The following POLD3 variants were observed in gnomAD, a reference collection of about 807,000 sequenced individuals.
POLD3 encodes DNA polymerase delta subunit 3.
A neutral mutation model predicts 58.2 loss-of-function variants in POLD3; 19 were observed. That is an observed-to-expected ratio of 0.33 (90% CI 0.23 to 0.48). POLD3 has a LOEUF of 0.48. Ranked by LOEUF, POLD3 falls within the 20% of genes least tolerant of loss-of-function variation. The pLI, the probability that POLD3 is intolerant of heterozygous loss-of-function variation, is 0.99. For missense variants in POLD3, 504 were observed against 545.5 expected, an observed-to-expected ratio of 0.92 and a Z score of 0.76; for synonymous variants, 172 against 193.5, an observed-to-expected ratio of 0.89 and a Z score of 0.92.
At chr11:74,617,750 C>T (rs1339024141) in intron 5 of POLD3, among the ~76,000 whole-genome samples, 1 of 152,072 alleles carries the variant, frequency 6.6e-6, no homozygotes, top group African/African-American at 2.4e-5. Flanking sequence ...GACAGCATCT[C>T]ACTCTGTTCC....
rs566165026 is a variant in POLD3, at chr11:74,627,971, A to G, written c.900-1246A>G. Among the ~76,000 whole-genome samples the G allele has an allele frequency of 3.3e-5, 5 of 152,238 alleles. No homozygotes were observed. In the East Asian group the frequency reaches 9.6e-4, roughly 29 times the overall value. ...TGTATATTTTTCAAATGTTTAATAA[A>G]ATTTACCAGTGAATCCAGGGCTGGA... On this transcript the variant is annotated intron_variant, in intron 8 of 11. Coordinates refer to ENST00000263681, the MANE Select transcript of POLD3 (RefSeq NM_006591.3).
chr11:74,658,800 C>A (rs538238313), intron 4 of POLD3, among the ~76,000 whole-genome samples: 1 of 152,096 alleles, frequency 6.6e-6, no homozygotes, highest in South Asian at 2.1e-4. Context: ...GCAGCTCCAC[C>A]CCTGTGGCTT....
At chr11:74,606,585 A>C (rs76021006) in intron 3 of POLD3, among the ~76,000 whole-genome samples, 257 of 152,358 alleles carry the variant, frequency 1.7e-3, no homozygotes, top group African/African-American at 6.0e-3. Context: ...AATAGGATCC[A>C]AAGTTAAGAA....
intron 9 of POLD3, among the ~76,000 whole-genome samples, chr11:74,634,350 T>C (rs556618313): frequency 6.6e-6 from 1 of 152,354 alleles, no homozygotes; most frequent in East Asian, 1.9e-4. Flanking sequence ...AGAAAATATT[T>C]AGCTAAGATA....
intron 4 of POLD3, among the ~76,000 whole-genome samples, chr11:74,656,148 A>G (rs1166057354): frequency 6.6e-6 from 1 of 152,242 alleles, no homozygotes; most frequent in Non-Finnish European, 1.5e-5. Context: ...TACACTAAAA[A>G]CTAAAACAGT....
intron 5 of POLD3, among the ~76,000 whole-genome samples, chr11:74,616,569 A>G (rs6592577): frequency 0.4 from 60,289 of 152,132 alleles, 12,981 homozygotes; most frequent in African/African-American, 0.56. Flanking sequence ...TTCCTTGTAT[A>G]TGGAAGCACT....
At chr11:74,653,211 C>T (rs1188418365) in intron 4 of POLD3, among the ~76,000 whole-genome samples, 1 of 152,128 alleles carries the variant, frequency 6.6e-6, no homozygotes, top group East Asian at 1.9e-4. Flanking sequence ...TTTGCACCAA[C>T]CTAATACTTA....
intron 9 of POLD3, among the ~76,000 whole-genome samples, chr11:74,633,498 T>C (rs373397089): frequency 2.0e-5 from 3 of 152,238 alleles, no homozygotes; most frequent in Admixed American, 6.5e-5. Flanking sequence ...AACACTGACC[T>C]AATCAGTTGG....
intron 8 of POLD3, among the ~76,000 whole-genome samples, chr11:74,628,203 T>G (rs1050668036): frequency 6.6e-6 from 1 of 152,152 alleles, no homozygotes; most frequent in African/African-American, 2.4e-5. Flanking sequence ...GATACAGATT[T>G]CTTTACTGTT....
intron 10 of POLD3, among the ~76,000 whole-genome samples, chr11:74,635,533 T>C (rs186160350): frequency 6.6e-6 from 1 of 152,088 alleles, no homozygotes; most frequent in Non-Finnish European, 1.5e-5. Context: ...TTTAAAAATA[T>C]CTGGGCATGG....
intron 4 of POLD3, among the ~76,000 whole-genome samples, chr11:74,656,663 A>G (rs768370973): frequency 4.0e-5 from 6 of 151,568 alleles, no homozygotes; most frequent in Non-Finnish European, 7.4e-5. Flanking sequence ...ATGTGTTTGT[A>G]TAGTTTCCAA....
At chr11:74,601,584 C>T (rs1460289217) in intron 2 of POLD3, among the ~76,000 whole-genome samples, 4 of 151,962 alleles carry the variant, frequency 2.6e-5, no homozygotes, top group Non-Finnish European at 5.9e-5. Context: ...CGCAGGGGTT[C>T]GAGGTCAGGC....
intron 8 of POLD3, among the ~76,000 whole-genome samples, chr11:74,628,196 A>G (rs1288824058): frequency 6.6e-6 from 1 of 152,120 alleles, no homozygotes; most frequent in Non-Finnish European, 1.5e-5. Flanking sequence ...TGTACTCGAT[A>G]CAGATTTCTT....
intron 7 of POLD3, among the ~76,000 whole-genome samples, chr11:74,620,989 A>G (rs1302765783): frequency 1.3e-5 from 2 of 151,744 alleles, no homozygotes; most frequent in African/African-American, 2.4e-5. Flanking sequence ...TGTAAAAGCT[A>G]TCAGAGAACG....
intron 3 of POLD3, among the ~76,000 whole-genome samples, chr11:74,609,587 C>T (rs1173612081): frequency 2.0e-5 from 3 of 151,154 alleles, no homozygotes; most frequent in South Asian, 4.2e-4. Flanking sequence ...TTTGCCATCT[C>T]GGCCAGGCTG....
intron 9 of POLD3, among the ~76,000 whole-genome samples, chr11:74,632,994 C>A (rs941535424): frequency 3.3e-5 from 5 of 150,744 alleles, no homozygotes; most frequent in African/African-American, 7.4e-5. Context: ...AGCTTAGAGT[C>A]TAGAGTGGGG....
chr11:74,629,304 T>A lies in POLD3; in HGVS notation c.987T>A (p.Ser329=), dbSNP rs1391281022. The A allele has an allele frequency of 2.5e-6, 4 of 1,601,726 alleles. No homozygotes were observed. The East Asian group carries it at 9.0e-5, about 36-fold the overall frequency. The change falls in exon 9 of 12, where the codon TCT becomes TCA. Residue 329 remains serine (S), a synonymous_variant. Transcript: ENST00000263681. ...GGAGAAGAATCAAACTTCCTGAATCTGATAGCAGTGAAGATGAAGGTGGGC... is the reference window on the plus strand; with the variant it reads ...GGAGAAGAATCAAACTTCCTGAATCAGATAGCAGTGAAGATGAAGGTGGGC... The part of the protein sequence containing the change: ...KKRRRIKLPE[S]DSSEDEVFPD...
At position 74,641,008 on chromosome 11, in the gene POLD3, C is replaced by A; in HGVS notation, c.*242C>A. 8.6e-7 allele frequency: 1 copy of A among 1,159,672 alleles called. No individual in the cohort carries two copies. Among genetic ancestry groups the A allele is most frequent in the Non-Finnish European group, 1.1e-6 (1 of 942,558 alleles). The allele number at this position is 1,159,672 out of a possible 1,614,324, so 71.8% of individuals were successfully genotyped here. ...TAAAAAGCACAGTCTTTGACCTGTC[C>A]AGGAGAAGGATTTACTCCAAAATTA... On this transcript the variant is annotated 3_prime_UTR_variant, in exon 12 of 12. Coordinates refer to ENST00000263681, the MANE Select transcript of POLD3 (RefSeq NM_006591.3).
chr11:74,620,137 A>T (rs1178662033), intron 7 of POLD3, 48 bp downstream of exon 7: 3 of 1,367,738 alleles, frequency 2.2e-6, no homozygotes, highest in South Asian at 2.3e-5. Context: ...ATGTTAATGT[A>T]ATGACATATT....
Sources: allele counts gnomAD v4.1 joint callset (sites outside exome capture counted in the v4.1 genomes callset), GRCh38; gene constraint gnomAD v4.1.1; transcripts MANE v1.5; gene names NCBI Gene and HGNC (gene_info 2026-07-23, HGNC 2026-07-21).